Variants in GABRG3 observed in about 807,000 individuals in gnomAD.
GABRG3 encodes gamma-aminobutyric acid receptor subunit gamma-3.
In GABRG3, 25 loss-of-function variants were observed where a neutral mutation model predicts 48.8. The observed-to-expected ratio is 0.51, with a 90% CI of 0.37 to 0.72. The LOEUF is 0.72. Among genes scored for constraint, GABRG3 ranks in the 30% least tolerant of loss-of-function variants. The pLI is 0.00. For missense variants in GABRG3, 394 were observed against 577.9 expected, an observed-to-expected ratio of 0.68 and a Z score of 3.26; for synonymous variants, 227 against 217.6, an observed-to-expected ratio of 1.04 and a Z score of -0.38.
At chr15:27,477,745 TAAAAA>T (rs1363011621) in intron 5 of GABRG3, among the ~76,000 whole-genome samples, 5 of 151,856 alleles carry the variant, frequency 3.3e-5, no homozygotes, top group Non-Finnish European at 7.4e-5. Flanking sequence ...TAAATTCTAT[TAAAAA>T]GAAAAGGAGG....
At chr15:27,231,175 A>G (rs1040064886) in intron 3 of GABRG3, among the ~76,000 whole-genome samples, 1 of 152,198 alleles carries the variant, frequency 6.6e-6, no homozygotes, top group African/African-American at 2.4e-5. Context: ...CAAGTGCTAC[A>G]CTGGAGCTAT....
chr15:27,469,981 A>G (rs1889735407), intron 5 of GABRG3, among the ~76,000 whole-genome samples: 1 of 152,206 alleles, frequency 6.6e-6, no homozygotes, highest in African/African-American at 2.4e-5. Context: ...TCCCAGATTC[A>G]TCGGACGCTG....
intron 5 of GABRG3, among the ~76,000 whole-genome samples, chr15:27,341,622 T>A (rs1894181719): frequency 6.6e-6 from 1 of 152,146 alleles, no homozygotes; most frequent in African/African-American, 2.4e-5. Context: ...GATGAGGTCA[T>A]CTGCCCCTAT....
At chr15:27,360,692 T>C (rs914758512) in intron 5 of GABRG3, among the ~76,000 whole-genome samples, 3 of 152,160 alleles carry the variant, frequency 2.0e-5, no homozygotes, top group African/African-American at 7.2e-5. Context: ...CCCTGCAGCC[T>C]CTACATAAGA....
At chr15:27,235,138 T>A (rs1889917080) in intron 3 of GABRG3, among the ~76,000 whole-genome samples, 1 of 151,916 alleles carries the variant, frequency 6.6e-6, no homozygotes, top group South Asian at 2.1e-4. Flanking sequence ...GTCCTAGATT[T>A]TGTTTTGTCT....
intron 2 of GABRG3, among the ~76,000 whole-genome samples, chr15:27,009,953 C>T (rs1025904181): frequency 1.3e-5 from 2 of 151,988 alleles, no homozygotes; most frequent in Non-Finnish European, 2.9e-5. Flanking sequence ...CTTCTTTCTT[C>T]TTCTTTTTTT....
chr15:27,230,094 T>C (rs112555548), intron 3 of GABRG3, among the ~76,000 whole-genome samples: 3,880 of 152,292 alleles, frequency 0.025, 180 homozygotes, highest in African/African-American at 0.089. Context: ...GTAGTTCTCA[T>C]CGTAGAGATC....
intron 5 of GABRG3, among the ~76,000 whole-genome samples, chr15:27,441,547 TCTC>T (rs1266084976): frequency 6.6e-6 from 1 of 152,156 alleles, no homozygotes; most frequent in South Asian, 2.1e-4. Flanking sequence ...TCATGTCTCT[TCTC>T]CTCTCCTGGC....
chr15:27,312,230 C>T (rs528343193), intron 3 of GABRG3, among the ~76,000 whole-genome samples: 2 of 152,026 alleles, frequency 1.3e-5, no homozygotes, highest in South Asian at 4.2e-4. Flanking sequence ...AACATGAAGA[C>T]AGGTCACTGA....
At chr15:27,172,658 A>G (rs903666830) in intron 3 of GABRG3, among the ~76,000 whole-genome samples, 8 of 152,170 alleles carry the variant, frequency 5.3e-5, no homozygotes, top group Non-Finnish European at 1.2e-4. Context: ...GTGTCCAGGT[A>G]GTTAATACAT....
At chr15:27,343,244 G>T (rs143351291) in intron 5 of GABRG3, among the ~76,000 whole-genome samples, 3 of 152,132 alleles carry the variant, frequency 2.0e-5, no homozygotes, top group African/African-American at 4.8e-5. Flanking sequence ...CTGTCTTGGC[G>T]TGCAGAAGTC....
intron 3 of GABRG3, among the ~76,000 whole-genome samples, chr15:27,281,966 C>G (rs77189541): frequency 1.1e-4 from 17 of 151,928 alleles, no homozygotes; most frequent in Non-Finnish European, 2.4e-4. Context: ...TTGTTTTGAC[C>G]TTCATTCCTA....
At chr15:27,401,515 C>T (rs1887474036) in intron 5 of GABRG3, among the ~76,000 whole-genome samples, 2 of 152,162 alleles carry the variant, frequency 1.3e-5, no homozygotes, top group Non-Finnish European at 2.9e-5. Context: ...CAACTTCTTC[C>T]TAAGTTTACA....
At chr15:27,303,375 C>T (rs2140494549) in intron 3 of GABRG3, among the ~76,000 whole-genome samples, 1 of 151,810 alleles carries the variant, frequency 6.6e-6, no homozygotes, top group African/African-American at 2.4e-5. Context: ...CTTCCAGGAA[C>T]ACAAACTATC....
chr15:27,201,788 GTAAA>G (rs1888693236), intron 3 of GABRG3, among the ~76,000 whole-genome samples: 1 of 152,152 alleles, frequency 6.6e-6, no homozygotes, highest in South Asian at 2.1e-4. Flanking sequence ...AGATATAAAA[GTAAA>G]TAATTTAGAT....
At chr15:27,134,662 G>A (rs894066082) in intron 3 of GABRG3, among the ~76,000 whole-genome samples, 1 of 152,134 alleles carries the variant, frequency 6.6e-6, no homozygotes, top group Admixed American at 6.5e-5. Flanking sequence ...CCAGGTGCAC[G>A]TTGTCATGGT....
chr15:27,530,636 G>A (rs1479655609), intron 9 of GABRG3: 2 of 470,978 alleles, frequency 4.2e-6, no homozygotes, highest in African/African-American at 2.0e-5. Context: ...TGCCCTGCCT[G>A]TGGCCTCCAA....
At chr15:27,217,556 C>T (rs1054394492) in intron 3 of GABRG3, among the ~76,000 whole-genome samples, 5 of 152,174 alleles carry the variant, frequency 3.3e-5, no homozygotes, top group African/African-American at 1.2e-4. Context: ...AAGCTCTGCC[C>T]AGCCCAGCAG....
Position 27,250,529 on chromosome 15 carries a change from C to T in GABRG3, c.271-76280C>T, listed in dbSNP as rs570624623. The stretch of plus-strand genomic sequence containing the variant: ...GCAACCTCTGCCTCCTGGGCTCAAG[C>T]GATTCTCCTGCCTCAGCCTCCCTAG... On this transcript the variant is annotated intron_variant, in intron 3 of 9. Transcript: ENST00000615808. Among the ~76,000 whole-genome samples the T allele has an allele frequency of 6.6e-5, 10 of 152,214 alleles. No individual in the cohort carries two copies. The East Asian group carries it at 1.6e-3, about 24-fold the overall frequency.
Sources: gnomAD v4.1 joint callset for allele counts (sites outside exome capture counted in the v4.1 genomes callset) on GRCh38, gnomAD v4.1.1 for gene constraint, MANE v1.5 for transcripts, NCBI Gene and HGNC (gene_info 2026-07-23, HGNC 2026-07-21) for gene names.